Variants in KLRG1 observed in about 807,000 individuals in gnomAD.
KLRG1 encodes killer cell lectin-like receptor subfamily G member 1.
In KLRG1, 16 loss-of-function variants were observed where a neutral mutation model predicts 21.8. The observed-to-expected ratio is 0.73, with a 90% confidence interval of 0.50 to 1.11. The LOEUF (loss-of-function observed/expected upper bound fraction) is 1.11, where lower values mean the gene tolerates loss of function less well. Ranked by LOEUF, KLRG1 falls within the 50% of genes most tolerant of loss-of-function variation. The probability of loss-of-function intolerance (pLI) is 0.00; values close to 1 mark genes in which losing one functional copy is unlikely to be tolerated. For synonymous variants in KLRG1, 69 were observed against 75.9 expected (o/e 0.91, Z 0.47); for missense variants, 173 against 218.3 (o/e 0.79, Z 1.31).
At chr12:9,196,286 G>T in the KLRG1 span, 2 of 1,376,366 alleles carry the variant, frequency 1.5e-6, no homozygotes, top group Non-Finnish European at 2.1e-6. Context: ...GTGCTTAGGT[G>T]CAACTGGATA....
chr12:9,159,065 A>G, the KLRG1 span, among the ~76,000 whole-genome samples: 1 of 152,180 alleles, frequency 6.6e-6, no homozygotes, highest in Non-Finnish European at 1.5e-5. Flanking sequence ...GTAAAACTAC[A>G]AAGAGAGAGA....
chr12:9,064,618 C>T, the KLRG1 span: 3 of 154,122 alleles, frequency 1.9e-5, no homozygotes, highest in Non-Finnish European at 2.9e-5. This position sits in a 1 kb window ranked among gnomAD's most constrained non-coding sequence, Gnocchi z 4.0. Flanking sequence ...ACTCCCGGAG[C>T]CTGCCGCCCT....
intron 1 of KLRG1, among the ~76,000 whole-genome samples, chr12:8,979,496 CTT>C (rs776032584): frequency 5.8e-4 from 89 of 152,274 alleles, no homozygotes; most frequent in South Asian, 1.2e-3. Context: ...TAAAAATTCT[CTT>C]TGTCTTACCT....
chr12:9,128,065 C>A, the KLRG1 span: 1 of 214,118 alleles, frequency 4.7e-6, no homozygotes, highest in East Asian at 1.3e-4. Flanking sequence ...GCAGGGCGCC[C>A]GATGAGCTGA....
chr12:9,115,384 T>C, the KLRG1 span: 2 of 176,484 alleles, frequency 1.1e-5, no homozygotes, highest in East Asian at 1.5e-4. Flanking sequence ...CATTGTTCCA[T>C]GTTTGGTTGT....
chr12:9,079,604 C>T, the KLRG1 span: 5 of 1,585,596 alleles, frequency 3.2e-6, no homozygotes, highest in Middle Eastern at 1.7e-4. Flanking sequence ...GTTGAAATAA[C>T]ATTCAAGTTT....
chr12:9,017,160 AAG>A, the KLRG1 span, among the ~76,000 whole-genome samples: 1 of 149,674 alleles, frequency 6.7e-6, no homozygotes, highest in Non-Finnish European at 1.5e-5. Flanking sequence ...GCTACTCGGG[AAG>A]CTGAGACAGG....
chr12:8,967,978 G>C (rs1946506183), intron 1 of KLRG1, among the ~76,000 whole-genome samples: 1 of 151,558 alleles, frequency 6.6e-6, no homozygotes, highest in African/African-American at 2.4e-5. Flanking sequence ...ATTAAGGAAA[G>C]GGAAGGAAGG....
chr12:8,965,723 G>A (rs1301949396), intron 1 of KLRG1, among the ~76,000 whole-genome samples: 3 of 152,186 alleles, frequency 2.0e-5, no homozygotes, highest in Non-Finnish European at 2.9e-5. Context: ...CCATGCTCAT[G>A]GGTAGGAAGA....
intron 3 of KLRG1, among the ~76,000 whole-genome samples, chr12:9,006,367 A>C (rs1488044958): frequency 6.6e-6 from 1 of 152,222 alleles, no homozygotes; most frequent in Non-Finnish European, 1.5e-5. Flanking sequence ...AGCCATGTAG[A>C]AATCTCGGGT....
At chr12:9,132,703 C>T in the KLRG1 span, among the ~76,000 whole-genome samples, 4 of 152,028 alleles carry the variant, frequency 2.6e-5, no homozygotes, top group East Asian at 1.9e-4. Context: ...TTCAAATGTA[C>T]GTGATGTGAC....
chr12:9,064,102 C>G, the KLRG1 span, among the ~76,000 whole-genome samples: 1 of 152,192 alleles, frequency 6.6e-6, no homozygotes, highest in Non-Finnish European at 1.5e-5. This position sits in a 1 kb window ranked among gnomAD's most constrained non-coding sequence, Gnocchi z 4.0. Context: ...CTGAAATATA[C>G]TTTCTCCTGG....
chr12:8,977,747 T>C (rs1002163787), intron 1 of KLRG1, among the ~76,000 whole-genome samples: 2 of 152,200 alleles, frequency 1.3e-5, no homozygotes, highest in African/African-American at 4.8e-5. Flanking sequence ...TTACTTTGAG[T>C]CTTGAATAAA....
the KLRG1 span, among the ~76,000 whole-genome samples, chr12:9,144,904 A>G: frequency 3.3e-5 from 5 of 152,330 alleles, no homozygotes; most frequent in Non-Finnish European, 7.3e-5. Context: ...GTTAGCCATT[A>G]GGCCAATGCC....
At chr12:9,000,200 A>G (rs1398281280) in intron 3 of KLRG1, among the ~76,000 whole-genome samples, 1 of 152,178 alleles carries the variant, frequency 6.6e-6, no homozygotes, top group East Asian at 1.9e-4. Flanking sequence ...CTGAGATGAC[A>G]TGTCAGAAGA....
At chr12:9,177,416 A>C in the KLRG1 span, among the ~76,000 whole-genome samples, 1 of 152,178 alleles carries the variant, frequency 6.6e-6, no homozygotes, top group East Asian at 1.9e-4. Flanking sequence ...TTTGGCCGCC[A>C]TGTTAATCGC....
chr12:9,050,072 G>T, the KLRG1 span, among the ~76,000 whole-genome samples: 1 of 152,104 alleles, frequency 6.6e-6, no homozygotes. Context: ...AAAAATCTTC[G>T]TAGGAAGCTG....
chr12:9,150,787 T>A, the KLRG1 span: 1 of 1,242,782 alleles, frequency 8.0e-7, no homozygotes, highest in Non-Finnish European at 1.2e-6. Context: ...CTAGAAAACC[T>A]CCTTCTTTCT....
At chr12:9,170,535 C>G in the KLRG1 span, among the ~76,000 whole-genome samples, 1 of 152,226 alleles carries the variant, frequency 6.6e-6, no homozygotes, top group Non-Finnish European at 1.5e-5. The surrounding 1 kb of genome is among the most constrained non-coding windows in gnomAD (Gnocchi z 4.6). Context: ...TTAAGACTCA[C>G]TGTCTTGGAA....
Sources: allele counts gnomAD v4.1 joint callset (sites outside exome capture counted in the v4.1 genomes callset), GRCh38; gene constraint gnomAD v4.1.1; non-coding constraint Gnocchi (gnomAD v3.1); transcripts MANE v1.5; gene names NCBI Gene and HGNC (gene_info 2026-07-23, HGNC 2026-07-21).